The following NR1H4 variants were observed in gnomAD, a reference collection of about 807,000 sequenced individuals.
The protein encoded by NR1H4 is bile acid receptor.
A neutral mutation model predicts 58.5 loss-of-function variants in NR1H4; 23 were observed. The ratio of observed to expected loss-of-function variants is 0.39; its 90% CI spans 0.28 to 0.56. The LOEUF (loss-of-function observed/expected upper bound fraction) is 0.56, where lower values mean the gene tolerates loss of function less well. NR1H4 is among the 20% of genes least tolerant of loss of function. The pLI is 0.58. For missense variants in NR1H4, 487 were observed against 576.9 expected, an observed-to-expected ratio of 0.84 and a Z score of 1.60; for synonymous variants, 214 against 198.0, an observed-to-expected ratio of 1.08 and a Z score of -0.68.
chr12:100,518,678 T>C (rs1954328774), intron 4 of NR1H4, among the ~76,000 whole-genome samples: 1 of 150,974 alleles, frequency 6.6e-6, no homozygotes, highest in African/African-American at 2.4e-5. Context: ...GGCAGCCACA[T>C]AGAAAATGAG....
At chr12:100,531,373 T>C (rs778156380) in intron 4 of NR1H4, among the ~76,000 whole-genome samples, 2 of 152,094 alleles carry the variant, frequency 1.3e-5, no homozygotes, top group African/African-American at 4.8e-5. Flanking sequence ...GGAGAATCCA[T>C]TGAACCTGGG....
At chr12:100,502,763 TA>T (rs1953863830) in intron 3 of NR1H4, among the ~76,000 whole-genome samples, 1 of 152,216 alleles carries the variant, frequency 6.6e-6, no homozygotes, top group South Asian at 2.1e-4. Flanking sequence ...GGCTTTGTGC[TA>T]GATGATTTTG....
At chr12:100,525,948 A>G (rs1954544634) in intron 4 of NR1H4, among the ~76,000 whole-genome samples, 1 of 152,118 alleles carries the variant, frequency 6.6e-6, no homozygotes, top group Admixed American at 6.5e-5. Flanking sequence ...TTTAATGTCC[A>G]TGGGATTAGT....
chr12:100,549,574 A>G (rs572275450), intron 9 of NR1H4, among the ~76,000 whole-genome samples: 6 of 152,316 alleles, frequency 3.9e-5, no homozygotes, highest in African/African-American at 1.4e-4. Context: ...GTTAGAATGC[A>G]TATAATCAAA....
At chr12:100,559,667 A>C (rs1264283800) in intron 9 of NR1H4, among the ~76,000 whole-genome samples, 1 of 152,030 alleles carries the variant, frequency 6.6e-6, no homozygotes, top group African/African-American at 2.4e-5. Flanking sequence ...CCTCCCACCC[A>C]CTCCATGGGC....
At chr12:100,546,423 C>T (rs1338880643) in intron 9 of NR1H4, among the ~76,000 whole-genome samples, 1 of 152,032 alleles carries the variant, frequency 6.6e-6, no homozygotes, top group Non-Finnish European at 1.5e-5. Flanking sequence ...TTGCCGGGCG[C>T]GGTGGCTCAT....
At chr12:100,533,890 C>CTTTTTT (rs758465149) in intron 5 of NR1H4, among the ~76,000 whole-genome samples, 35 of 143,400 alleles carry the variant, frequency 2.4e-4, no homozygotes, top group African/African-American at 7.5e-4. Context: ...TAATAGCTCT[C>CTTTTTT]TTTTTTTTTT....
chr12:100,532,341 C>A, intron 4 of NR1H4, 117 bp from the exon 5 acceptor site: 1 of 894,484 alleles, frequency 1.1e-6, no homozygotes, highest in Non-Finnish European at 1.8e-6. Flanking sequence ...TCAAGGATGG[C>A]CTGGGTGCTC....
At chr12:100,509,248 C>A (rs1954045415) in intron 3 of NR1H4, among the ~76,000 whole-genome samples, 1 of 152,190 alleles carries the variant, frequency 6.6e-6, no homozygotes, top group South Asian at 2.1e-4. Flanking sequence ...AATTGTCTGA[C>A]AACACTTTGA....
intron 4 of NR1H4, among the ~76,000 whole-genome samples, chr12:100,513,107 G>A (rs1216033012): frequency 1.3e-5 from 2 of 152,150 alleles, no homozygotes. Context: ...TAACCTTTTT[G>A]TGGAGAGTCA....
At chr12:100,544,414 T>C (rs557475819) in intron 9 of NR1H4, among the ~76,000 whole-genome samples, 1 of 152,130 alleles carries the variant, frequency 6.6e-6, no homozygotes, top group African/African-American at 2.4e-5. Flanking sequence ...ACAGTGGTGA[T>C]TAAGGATACT....
rs535088008 is a variant in NR1H4, at chr12:100,508,841, A to C, written c.80-1937A>C. Among the ~76,000 whole-genome samples the C allele has an allele frequency of 2.4e-4, 37 of 152,278 alleles. No homozygotes were observed. In the East Asian group the frequency reaches 6.6e-3, roughly 27 times the overall value. ...ACGTTTTTCTAAAAGTTTGGCACAC[A>C]CTTTTTTGGTGACAGAACCTGACCT... On this transcript the variant is annotated intron_variant, in intron 3 of 10. Coordinates refer to ENST00000392986, the MANE Select transcript of NR1H4 (RefSeq NM_001206979.2).
chr12:100,501,155 A>T (rs1424504465), intron 3 of NR1H4, among the ~76,000 whole-genome samples: 1 of 151,554 alleles, frequency 6.6e-6, no homozygotes, highest in Admixed American at 6.6e-5. Context: ...GATGTTTCTG[A>T]GGGCAACCGA....
At chr12:100,533,362 G>C (rs1281566442) in intron 5 of NR1H4, among the ~76,000 whole-genome samples, 2 of 152,176 alleles carry the variant, frequency 1.3e-5, no homozygotes, top group Non-Finnish European at 2.9e-5. Flanking sequence ...CATTCAGGCA[G>C]GGAATGCCAA....
chr12:100,526,135 G>A (rs1241011208), intron 4 of NR1H4, among the ~76,000 whole-genome samples: 2 of 147,188 alleles, frequency 1.4e-5, no homozygotes, highest in Non-Finnish European at 3.0e-5. Flanking sequence ...GGTTTCACTG[G>A]TTTTTCTCTA....
intron 1 of NR1H4, among the ~76,000 whole-genome samples, chr12:100,475,159 A>ATCTATCT (rs1555330004): frequency 0.022 from 3,302 of 147,746 alleles, 118 homozygotes; most frequent in African/African-American, 0.082. Flanking sequence ...CTATCTATCT[A>ATCTATCT]AATTTTTTTT....
At chr12:100,482,007 T>C (rs1273800207) in intron 1 of NR1H4, among the ~76,000 whole-genome samples, 1 of 151,790 alleles carries the variant, frequency 6.6e-6, no homozygotes, top group Non-Finnish European at 1.5e-5. Context: ...GAGGCTGAGG[T>C]GTGAGGATTG....
intron 9 of NR1H4, among the ~76,000 whole-genome samples, chr12:100,550,170 G>A (rs10860603): frequency 0.2 from 30,060 of 152,002 alleles, 4,337 homozygotes; most frequent in East Asian, 0.72. Flanking sequence ...GCTTTAGAAC[G>A]TATATCTGAT....
chr12:100,498,962 G>T (rs1278335582), intron 3 of NR1H4, among the ~76,000 whole-genome samples: 1 of 152,038 alleles, frequency 6.6e-6, no homozygotes, highest in Non-Finnish European at 1.5e-5. Context: ...AAAGGGCCTT[G>T]CTCTGTCACC....
Sources: gnomAD v4.1 joint callset for allele counts (sites outside exome capture counted in the v4.1 genomes callset) on GRCh38, gnomAD v4.1.1 for gene constraint, MANE v1.5 for transcripts, NCBI Gene and HGNC (gene_info 2026-07-23, HGNC 2026-07-21) for gene names.